The following NRBP2 variants were observed in gnomAD, a reference collection of about 807,000 sequenced individuals.
NRBP2 encodes nuclear receptor-binding protein 2.
A neutral mutation model predicts 74.4 loss-of-function variants in NRBP2; 47 were observed. The ratio of observed to expected loss-of-function variants is 0.63; its 90% CI spans 0.50 to 0.81. The LOEUF (loss-of-function observed/expected upper bound fraction) is 0.81, where lower values mean the gene tolerates loss of function less well. NRBP2 is among the 30% of genes least tolerant of loss of function. NRBP2 has a pLI of 0.00. For missense variants in NRBP2, 613 were observed against 690.1 expected (o/e 0.89, Z 1.25); for synonymous variants, 312 against 273.8 (o/e 1.14, Z -1.38).
downstream of NRBP2, among the ~76,000 whole-genome samples, chr8:143,832,467 C>CA (rs1818198947): frequency 6.6e-6 from 1 of 152,156 alleles, no homozygotes; most frequent in East Asian, 1.9e-4. Flanking sequence ...GCAGTTGAGA[C>CA]AAGAGGAAGG....
Position 143,840,822 on chromosome 8 carries a change from C to T in NRBP2, c.13G>A (p.Glu5Lys). Residue 5 changes from glutamate (E) to lysine (K), a missense_variant, in exon 1 of 18, where the codon GAG becomes AAG. Around this residue, in one of 2 missense-constraint regions of NRBP2, gnomAD observed 332 missense variants for 429.2 expected, o/e 0.77. Transcript: ENST00000442628. This position sits in a 1 kb window ranked among gnomAD's most constrained non-coding sequence, Gnocchi z 5.7. ...TCCCGGGCCCGCCTCGGCGCCGGCT[C>T]CGGGGCCGCCATGGTTCGGCCAGCC... is the stretch of plus-strand genomic sequence containing the variant. MAAPEPAPRRARERE... is the reference protein window; with the variant it reads MAAPKPAPRRARERE... 1 of 1,489,418 alleles carries T rather than the reference C, an allele frequency of 6.7e-7. No homozygotes were observed. The highest frequency in any genetic ancestry group is 8.9e-7 in the Non-Finnish European group (1 of 1,125,202). 92.3% of individuals were successfully genotyped at this position (1,489,418 alleles called of 1,614,324 possible).
rs1052328477 is a variant in NRBP2 at position 143,838,895 on chromosome 8, C to A, written c.732G>T (p.Met244Ile). ...GTAVDIFSFGMCALEMAVLEI... is the reference protein window; with the variant it reads ...GTAVDIFSFGICALEMAVLEI... ...GCGGGGGCAGTACCTCCAGCGCACA[C>A]ATCCCAAAGGAGAAGATGTCCACAG... Residue 244 changes from methionine (M) to isoleucine (I), a missense_variant, in exon 9 of 18, where the codon ATG becomes ATT. This residue lies in a region of NRBP2 where 332 missense variants were observed against 429.2 expected (regional missense o/e 0.77). Transcript: ENST00000442628. The A allele has an allele frequency of 6.2e-7, 1 of 1,612,856 alleles. No individual in the cohort carries two copies. Among genetic ancestry groups the A allele is most frequent in the Non-Finnish European group, 8.5e-7 (1 of 1,179,584 alleles).
At position 143,837,206 on chromosome 8, in the gene NRBP2, G is replaced by A; in HGVS notation, c.1128-32C>T. 2 of 1,613,892 alleles carry A rather than the reference G, an allele frequency of 1.2e-6. No individual in the cohort carries two copies. Among genetic ancestry groups the A allele is most frequent in the Non-Finnish European group, 1.7e-6 (2 of 1,179,970 alleles). The stretch of plus-strand genomic sequence containing the variant: ...ACACAACAGGGTGGCTGGGGGTTCA[G>A]GCCTGACAGCTGCCTGGCCCCCAAC... On this transcript the variant is annotated intron_variant, in intron 13 of 17. Coordinates refer to ENST00000442628, the MANE Select transcript of NRBP2 (RefSeq NM_178564.4). This position sits in a 1 kb window ranked among gnomAD's most constrained non-coding sequence, Gnocchi z 4.3.
chr8:143,837,323 T>A lies in NRBP2; in HGVS notation c.1077-24A>T. On this transcript the variant is annotated intron_variant, in intron 12 of 17. Coordinates refer to ENST00000442628, the MANE Select transcript of NRBP2 (RefSeq NM_178564.4). This position sits in a 1 kb window ranked among gnomAD's most constrained non-coding sequence, Gnocchi z 4.3. ...ACCTGGCATGGAAGTGGGAGGCACA[T>A]GAGGGGCTGGCCGGGGCGAGGGGAG... 1 of 1,295,266 alleles carries A rather than the reference T, an allele frequency of 7.7e-7. No individual in the cohort carries two copies. Among genetic ancestry groups the A allele is most frequent in the Non-Finnish European group, 1.0e-6 (1 of 997,722 alleles). The allele number at this position is 1,295,266 out of a possible 1,614,324, so 80.2% of individuals were successfully genotyped here.
Position 143,835,893 on chromosome 8 carries a change from G to A in NRBP2, c.1382-18C>T. 1.9e-6 allele frequency: 3 copies of A among 1,601,042 alleles called. No individual in the cohort carries two copies. Among genetic ancestry groups the A allele is most frequent in the South Asian group, 2.2e-5 (2 of 90,298 alleles). On this transcript the variant is annotated intron_variant, in intron 16 of 17. Transcript: ENST00000442628. This position sits in a 1 kb window ranked among gnomAD's most constrained non-coding sequence, Gnocchi z 4.9. ...GCTGTCCGCTGAGGCAATGGCGTAAGGCGAGGCATGAGGCCGCTGCCCACC... is the reference window on the plus strand; with the variant it reads ...GCTGTCCGCTGAGGCAATGGCGTAAAGCGAGGCATGAGGCCGCTGCCCACC...
rs375963899 is a variant in NRBP2 at position 143,835,908 on chromosome 8, C to T, written c.1382-33G>A. On this transcript the variant is annotated intron_variant, in intron 16 of 17. Coordinates refer to ENST00000442628, the MANE Select transcript of NRBP2 (RefSeq NM_178564.4). This position sits in a 1 kb window ranked among gnomAD's most constrained non-coding sequence, Gnocchi z 4.9. ...AATGGCGTAAGGCGAGGCATGAGGC[C>T]GCTGCCCACCCGCCGCCTGGGGTCA... 3.1e-5 allele frequency: 50 copies of T among 1,596,390 alleles called. No individual in the cohort carries two copies. The highest frequency in any genetic ancestry group is 3.3e-4 in the Middle Eastern group (2 of 6,024).
rs1421640553 is a variant in NRBP2 at position 143,835,622 on chromosome 8, G to A, written c.*40C>T. 3.3e-6 allele frequency: 5 copies of A among 1,514,794 alleles called. No homozygotes were observed. The highest frequency in any genetic ancestry group is 4.4e-6 in the Non-Finnish European group (5 of 1,126,714). The allele number at this position is 1,514,794 out of a possible 1,614,324, so 93.8% of individuals were successfully genotyped here. A position where few individuals can be genotyped will look rare whatever the true frequency, so the allele number is the denominator to read the frequency against. ...AGTCTCCCCAACATGGCCTGCCCAGGCAGCACCCCGGCATGGTCCCCTGGG... is the reference window on the plus strand; with the variant it reads ...AGTCTCCCCAACATGGCCTGCCCAGACAGCACCCCGGCATGGTCCCCTGGG... On this transcript the variant is annotated 3_prime_UTR_variant, in exon 18 of 18. Coordinates refer to ENST00000442628, the MANE Select transcript of NRBP2 (RefSeq NM_178564.4). This position sits in a 1 kb window ranked among gnomAD's most constrained non-coding sequence, Gnocchi z 4.9.
chr8:143,831,751 A>G (rs1197724591), downstream of NRBP2, among the ~76,000 whole-genome samples: 3 of 152,266 alleles, frequency 2.0e-5, no homozygotes, highest in African/African-American at 7.2e-5. Flanking sequence ...TTTCTGAACA[A>G]TGGGTGAAAG....
chr8:143,836,877 C>T (rs34303577), intron 14 of NRBP2, among the ~76,000 whole-genome samples, 162 bp downstream of exon 14: 82,956 of 151,864 alleles, frequency 0.55, 27,341 homozygotes, highest in South Asian at 0.74. Flanking sequence ...TGTCCTATAA[C>T]CCCCATGACC....
chr8:143,839,210 G>A lies in NRBP2; in HGVS notation c.581-15C>T. ...TCGGTGCCACACTGCCAAGGGGCGGGAGAAAGAGTGGAGTTAGCTGCTGGG... is the reference window on the plus strand; with the variant it reads ...TCGGTGCCACACTGCCAAGGGGCGGAAGAAAGAGTGGAGTTAGCTGCTGGG... On this transcript the variant is annotated splice_polypyrimidine_tract_variant and intron_variant, in intron 6 of 17. Coordinates refer to ENST00000442628, the MANE Select transcript of NRBP2 (RefSeq NM_178564.4). This position sits in a 1 kb window ranked among gnomAD's most constrained non-coding sequence, Gnocchi z 5.1. 2 of 1,531,728 alleles carry A rather than the reference G, an allele frequency of 1.3e-6. No individual in the cohort carries two copies. The highest frequency in any genetic ancestry group is 1.7e-6 in the Non-Finnish European group (2 of 1,143,640). The allele number at this position is 1,531,728 out of a possible 1,614,324, so 94.9% of individuals were successfully genotyped here.
chr8:143,831,329 G>A (rs1423081953), downstream of NRBP2, among the ~76,000 whole-genome samples: 1 of 152,254 alleles, frequency 6.6e-6, no homozygotes, highest in Non-Finnish European at 1.5e-5. Context: ...CAAAAGAGAA[G>A]TCCAGGTCAG....
Position 143,835,456 on chromosome 8 carries a change from T to C in NRBP2, c.*206A>G. 1 of 654,160 alleles carries C rather than the reference T, an allele frequency of 1.5e-6. No homozygotes were observed. The highest frequency in any genetic ancestry group is 2.7e-6 in the Non-Finnish European group (1 of 366,774). The allele number at this position is 654,160 out of a possible 1,614,324, so 40.5% of individuals were successfully genotyped here. A position where few individuals can be genotyped will look rare whatever the true frequency, so the allele number is the denominator to read the frequency against. On this transcript the variant is annotated 3_prime_UTR_variant, in exon 18 of 18. Transcript: ENST00000442628. This position sits in a 1 kb window ranked among gnomAD's most constrained non-coding sequence, Gnocchi z 4.9. ...CCTGATCCTAAGGACCTGGGAGGCC[T>C]AACGGCTCCCCCACACCCACCCCCC...
rs1554653034 is a variant in NRBP2 at position 143,839,533 on chromosome 8, C to T, written c.461G>A (p.Cys154Tyr). The change falls in exon 5 of 18, where the codon TGC (cysteine) becomes TAC (tyrosine). Residue 154 changes from cysteine to tyrosine, a missense_variant. By Grantham distance (194) the Cys-to-Tyr change is radical. Transcript: ENST00000442628. This position sits in a 1 kb window ranked among gnomAD's most constrained non-coding sequence, Gnocchi z 5.1. ...CCTGAGCGCAGACAGGATCTGCGTG[C>T]ACCAGCGCTTCCAGGCCTGGCGGCG... Reference protein sequence around the residue: ...AMNARAWKRWCTQILSALSFL... With the variant: ...AMNARAWKRWYTQILSALSFL... 2.6e-6 allele frequency: 4 copies of T among 1,532,374 alleles called. No individual in the cohort carries two copies. The highest frequency in any genetic ancestry group is 2.4e-5 in the East Asian group (1 of 40,824). 94.9% of individuals were successfully genotyped at this position (1,532,374 alleles called of 1,614,324 possible). A position where few individuals can be genotyped will look rare whatever the true frequency, so the allele number is the denominator to read the frequency against.
chr8:143,839,386 G>C lies in NRBP2; in HGVS notation c.508C>G (p.Pro170Ala), dbSNP rs1459077867. 1.3e-6 allele frequency: 2 copies of C among 1,584,578 alleles called. No homozygotes were observed. Among genetic ancestry groups the C allele is most frequent in the Non-Finnish European group, 1.7e-6 (2 of 1,172,912 alleles). Residue 170 changes from proline (P) to alanine (A), a missense_variant, in exon 6 of 18, where the codon CCA becomes GCA. This residue lies in a region of NRBP2 where 332 missense variants were observed against 429.2 expected (regional missense o/e 0.77). Coordinates refer to ENST00000442628, the MANE Select transcript of NRBP2 (RefSeq NM_178564.4). The surrounding 1 kb of genome is among the most constrained non-coding windows in gnomAD (Gnocchi z 5.1). ...ALSFLHACSPPIIHGNLTSDT... is the reference protein window; with the variant it reads ...ALSFLHACSPAIIHGNLTSDT... Reference sequence around the variant, plus strand: ...CTGGTCAGGTTCCCGTGGATGATTGGGGGGCTGCAGGCGTGCAGGAAGCTG... The same window carrying C: ...CTGGTCAGGTTCCCGTGGATGATTGCGGGGCTGCAGGCGTGCAGGAAGCTG...
At chr8:143,836,054 C>T (rs782642569) in intron 15 of NRBP2, 24 bp from the exon 16 acceptor site, 16 of 1,563,622 alleles carry the variant, frequency 1.0e-5, no homozygotes, top group Middle Eastern at 3.4e-4. Context: ...GGGGCGTGGT[C>T]GGCTGGGGGT....
chr8:143,832,383 G>C (rs1818195444), downstream of NRBP2, among the ~76,000 whole-genome samples: 1 of 152,010 alleles, frequency 6.6e-6, no homozygotes, highest in South Asian at 2.1e-4. Context: ...GGAAAGACCT[G>C]ACCGTCCCCC....
Position 143,835,544 on chromosome 8 carries a change from C to T in NRBP2, c.*118G>A. 1 of 850,990 alleles carries T rather than the reference C, an allele frequency of 1.2e-6. No homozygotes were observed. Among genetic ancestry groups the T allele is most frequent in the South Asian group, 1.6e-5 (1 of 61,844 alleles). The allele number at this position is 850,990 out of a possible 1,614,324, so 52.7% of individuals were successfully genotyped here. The stretch of plus-strand genomic sequence containing the variant: ...CAGGAGACGGGGGGTTCCTTCACTA[C>T]CGGGGCCTTTGTGCTCCCAGGCGCA... On this transcript the variant is annotated 3_prime_UTR_variant, in exon 18 of 18. Coordinates refer to ENST00000442628, the MANE Select transcript of NRBP2 (RefSeq NM_178564.4). The surrounding 1 kb of genome is among the most constrained non-coding windows in gnomAD (Gnocchi z 4.9).
At position 143,837,506 on chromosome 8, in the gene NRBP2, A is replaced by C. The variant is rs144699367; in HGVS notation, c.977T>G (p.Leu326Arg). The C allele has an allele frequency of 3.7e-6, 6 of 1,608,746 alleles. No homozygotes were observed. Among genetic ancestry groups the C allele is most frequent in the African/African-American group, 2.7e-5 (2 of 74,810 alleles). Residue 326 changes from leucine to arginine, a missense_variant, in exon 12 of 18, where the codon CTC becomes CGC. Leu to Arg is a moderately radical substitution (Grantham distance 102). Coordinates refer to ENST00000442628, the MANE Select transcript of NRBP2 (RefSeq NM_178564.4). The surrounding 1 kb of genome is among the most constrained non-coding windows in gnomAD (Gnocchi z 4.3). ...CTCCTCCACCACATTCTCAGGCATG[A>C]GGTCTGCGGCCACAAGAGCATCAAG... ...AAHCFIQHQYLMPENVVEEKT... is the reference protein window; with the variant it reads ...AAHCFIQHQYRMPENVVEEKT...
downstream of NRBP2, among the ~76,000 whole-genome samples, chr8:143,831,988 CTG>C (rs1390392934): frequency 1.3e-5 from 2 of 152,206 alleles, no homozygotes; most frequent in African/African-American, 4.8e-5. Flanking sequence ...AGCATAAAGA[CTG>C]TGGGGAAAAG....
Sources: allele counts gnomAD v4.1 joint callset (sites outside exome capture counted in the v4.1 genomes callset), GRCh38; gene constraint gnomAD v4.1.1; regional missense constraint gnomAD v4.1.1; non-coding constraint Gnocchi (gnomAD v3.1); transcripts MANE v1.5; gene names NCBI Gene and HGNC (gene_info 2026-07-23, HGNC 2026-07-21).